CCDC85A: variants seen among roughly 807,000 people sequenced by gnomAD.
CCDC85A encodes the protein coiled-coil domain-containing protein 85A.
Under a neutral mutation model 50.2 loss-of-function variants are expected in CCDC85A, and 38 were observed. The ratio of observed to expected loss-of-function variants is 0.76; its 90% CI spans 0.58 to 0.99. The LOEUF is 0.99. CCDC85A is among the 50% of genes least tolerant of loss of function. The pLI is 0.00. For synonymous variants in CCDC85A, 366 were observed against 301.4 expected (o/e 1.21, Z -2.22); for missense variants, 820 against 742.0 (o/e 1.11, Z -1.22).
intron 2 of CCDC85A, 74 bp downstream of exon 2, chr2:56,193,514 C>T: frequency 6.9e-7 from 1 of 1,457,836 alleles, no homozygotes; most frequent in African/African-American, 1.4e-5. Flanking sequence ...GATGGACTTT[C>T]CAGCCATGTA....
chr2:56,369,547 A>T (rs181394515), intron 3 of CCDC85A, among the ~76,000 whole-genome samples: 8 of 152,240 alleles, frequency 5.3e-5, no homozygotes, highest in Admixed American at 6.5e-5. Context: ...GCCCATCTTT[A>T]TGCCTTTCAA....
intron 2 of CCDC85A, among the ~76,000 whole-genome samples, chr2:56,336,221 C>G (rs1328670512): frequency 6.6e-6 from 1 of 152,088 alleles, no homozygotes; most frequent in Non-Finnish European, 1.5e-5. Flanking sequence ...ATGACACTGT[C>G]TCAGCTCACT....
At position 56,384,417 on chromosome 2, in the gene CCDC85A, A is replaced by G. The variant is rs74381420; in HGVS notation, c.*62A>G. The G allele has an allele frequency of 4.2e-6, 5 of 1,189,976 alleles. No homozygotes were observed. Among genetic ancestry groups the G allele is most frequent in the Non-Finnish European group, 6.0e-6 (5 of 837,390 alleles). 73.7% of individuals were successfully genotyped at this position (1,189,976 alleles called of 1,614,324 possible). A position where few individuals can be genotyped will look rare whatever the true frequency, so the allele number is the denominator to read the frequency against. On this transcript the variant is annotated 3_prime_UTR_variant, in exon 6 of 6. Coordinates refer to ENST00000407595, the MANE Select transcript of CCDC85A (RefSeq NM_001080433.2). ...AGAAAGTGATAGAAGACAAGAAGAAAAAGGAAAGAGTGGGTTTCCACAAAC... is the reference window on the plus strand; with the variant it reads ...AGAAAGTGATAGAAGACAAGAAGAAGAAGGAAAGAGTGGGTTTCCACAAAC...
intron 2 of CCDC85A, among the ~76,000 whole-genome samples, chr2:56,240,594 A>G (rs1240056214): frequency 4.6e-5 from 7 of 152,094 alleles, no homozygotes; most frequent in Admixed American, 4.6e-4. Context: ...TTCTGTCTCT[A>G]TGGATTTGCC....
At chr2:56,332,832 A>G (rs1673881478) in intron 2 of CCDC85A, among the ~76,000 whole-genome samples, 1 of 152,202 alleles carries the variant, frequency 6.6e-6, no homozygotes, top group Non-Finnish European at 1.5e-5. Context: ...TTAATGTTCC[A>G]TAGAGTGACT....
chr2:56,278,861 C>G (rs1268512262), intron 2 of CCDC85A, among the ~76,000 whole-genome samples: 1 of 152,242 alleles, frequency 6.6e-6, no homozygotes, highest in South Asian at 2.1e-4. Context: ...GCATGAGCCT[C>G]CGCGCCAGAC....
At chr2:56,296,042 GT>G (rs1332307346) in intron 2 of CCDC85A, among the ~76,000 whole-genome samples, 1 of 152,216 alleles carries the variant, frequency 6.6e-6, no homozygotes, top group Non-Finnish European at 1.5e-5. Context: ...AAAGAAGTCA[GT>G]TTTAAAAATG....
At chr2:56,313,823 C>G (rs994081916) in intron 2 of CCDC85A, among the ~76,000 whole-genome samples, 1 of 151,934 alleles carries the variant, frequency 6.6e-6, no homozygotes, top group African/African-American at 2.4e-5. Flanking sequence ...GTACCAGGTA[C>G]TCACAGGGAG....
At chr2:56,279,166 C>T (rs1322067042) in intron 2 of CCDC85A, among the ~76,000 whole-genome samples, 2 of 152,144 alleles carry the variant, frequency 1.3e-5, no homozygotes, top group African/African-American at 4.8e-5. Context: ...CCAGCAGACT[C>T]AGTTTAGGTG....
intron 2 of CCDC85A, among the ~76,000 whole-genome samples, chr2:56,220,134 A>G (rs1032926419): frequency 2.0e-5 from 3 of 151,934 alleles, no homozygotes; most frequent in Non-Finnish European, 2.9e-5. Context: ...GTCAAGCTCT[A>G]TTTCGGGAAT....
At chr2:56,237,412 A>T (rs147574609) in intron 2 of CCDC85A, among the ~76,000 whole-genome samples, 1 of 152,238 alleles carries the variant, frequency 6.6e-6, no homozygotes, top group African/African-American at 2.4e-5. Context: ...CTTTCACATA[A>T]CATCATAGAG....
chr2:56,326,583 C>G (rs1156758458), intron 2 of CCDC85A, among the ~76,000 whole-genome samples: 1 of 152,074 alleles, frequency 6.6e-6, no homozygotes, highest in Non-Finnish European at 1.5e-5. Flanking sequence ...GCATAAAGAA[C>G]TGGGTGAACA....
At chr2:56,261,754 A>G (rs1411456500) in intron 2 of CCDC85A, among the ~76,000 whole-genome samples, 1 of 152,222 alleles carries the variant, frequency 6.6e-6, no homozygotes, top group Non-Finnish European at 1.5e-5. Flanking sequence ...GTGAGGCACC[A>G]TGGGCACAGC....
At chr2:56,350,336 C>T (rs943166690) in intron 3 of CCDC85A, among the ~76,000 whole-genome samples, 32 of 151,908 alleles carry the variant, frequency 2.1e-4, no homozygotes, top group African/African-American at 7.7e-4. Flanking sequence ...TTTGGGAGGC[C>T]GAGGTGGGCG....
intron 3 of CCDC85A, among the ~76,000 whole-genome samples, chr2:56,350,407 C>G (rs568451810): frequency 2.0e-5 from 3 of 152,214 alleles, no homozygotes; most frequent in African/African-American, 7.2e-5. Context: ...CCCATCTCTA[C>G]TAAAAATACA....
At chr2:56,369,113 G>A (rs537834542) in intron 3 of CCDC85A, among the ~76,000 whole-genome samples, 1 of 151,430 alleles carries the variant, frequency 6.6e-6, no homozygotes, top group African/African-American at 2.4e-5. Context: ...ATTTCTTAGT[G>A]TTTTTCATTA....
At chr2:56,220,685 C>G (rs1018664968) in intron 2 of CCDC85A, among the ~76,000 whole-genome samples, 1 of 152,020 alleles carries the variant, frequency 6.6e-6, no homozygotes, top group Non-Finnish European at 1.5e-5. Flanking sequence ...GAAGATCAGA[C>G]ATCAGAAATG....
At chr2:56,260,409 C>T (rs1200311214) in intron 2 of CCDC85A, among the ~76,000 whole-genome samples, 1 of 152,164 alleles carries the variant, frequency 6.6e-6, no homozygotes, top group African/African-American at 2.4e-5. Context: ...AGATGTTTGC[C>T]ACTGTCCATA....
chr2:56,288,298 CTT>C (rs11299844), intron 2 of CCDC85A, among the ~76,000 whole-genome samples: 24 of 143,030 alleles, frequency 1.7e-4, no homozygotes, highest in South Asian at 4.4e-4. Context: ...TCCTTTGGTT[CTT>C]TTTTTTTTTT....
Sources: gnomAD v4.1 joint callset for allele counts (sites outside exome capture counted in the v4.1 genomes callset) on GRCh38, gnomAD v4.1.1 for gene constraint, MANE v1.5 for transcripts, NCBI Gene and HGNC (gene_info 2026-07-23, HGNC 2026-07-21) for gene names.